Variants in PARD3 observed in about 807,000 individuals in gnomAD.
The protein encoded by PARD3 is par-3 family cell polarity regulator, also known as partitioning defective 3 homolog.
PARD3 carries 75 observed loss-of-function variants against 155.4 expected under a neutral mutation model. The observed-to-expected ratio is 0.48, with a 90% CI of 0.40 to 0.58. The LOEUF (loss-of-function observed/expected upper bound fraction) is 0.58, where lower values mean the gene tolerates loss of function less well. Among genes scored for constraint, PARD3 ranks in the 20% least tolerant of loss-of-function variants. PARD3 has a pLI of 0.00. For synonymous variants in PARD3, 576 were observed against 610.5 expected, an observed-to-expected ratio of 0.94 and a Z score of 0.83; for missense variants, 1,642 against 1,721.7, an observed-to-expected ratio of 0.95 and a Z score of 0.82.
At chr10:34,546,740 T>C (rs992052180) in intron 2 of PARD3, among the ~76,000 whole-genome samples, 1 of 152,134 alleles carries the variant, frequency 6.6e-6, no homozygotes, top group Non-Finnish European at 1.5e-5. Context: ...GGTACAAATG[T>C]ATAGTTTTAA....
At chr10:34,286,070 TTAAAAA>T (rs1307270378) in intron 20 of PARD3, among the ~76,000 whole-genome samples, 1 of 152,106 alleles carries the variant, frequency 6.6e-6, no homozygotes, top group Non-Finnish European at 1.5e-5. Flanking sequence ...ATACAAAACA[TTAAAAA>T]TAAAAGACTT....
intron 1 of PARD3, among the ~76,000 whole-genome samples, chr10:34,793,445 T>A (rs997973789): frequency 6.6e-6 from 1 of 152,186 alleles, no homozygotes; most frequent in African/African-American, 2.4e-5. Flanking sequence ...ACAGAACCCA[T>A]GGAGTTCTCT....
At chr10:34,250,528 CAG>C (rs954523270) in intron 22 of PARD3, among the ~76,000 whole-genome samples, 1 of 152,006 alleles carries the variant, frequency 6.6e-6, no homozygotes, top group Non-Finnish European at 1.5e-5. Flanking sequence ...CTTGGGTATA[CAG>C]AGACTTCATT....
intron 1 of PARD3, among the ~76,000 whole-genome samples, chr10:34,795,838 G>C (rs532164073): frequency 6.6e-6 from 1 of 152,214 alleles, no homozygotes; most frequent in Admixed American, 6.5e-5. Flanking sequence ...AGGTTGTAGT[G>C]AGCTGAGATC....
intron 2 of PARD3, among the ~76,000 whole-genome samples, chr10:34,612,584 A>T (rs1383378899): frequency 6.6e-6 from 1 of 152,242 alleles, no homozygotes; most frequent in Non-Finnish European, 1.5e-5. Flanking sequence ...AATTTCACCC[A>T]ACTTTGGCAA....
chr10:34,575,453 C>T (rs2086804022), intron 2 of PARD3, among the ~76,000 whole-genome samples: 1 of 152,154 alleles, frequency 6.6e-6, no homozygotes, highest in East Asian at 1.9e-4. Flanking sequence ...AATAATTTGG[C>T]TCCTATCTCC....
At chr10:34,121,541 C>T (rs1020267652) in intron 23 of PARD3, among the ~76,000 whole-genome samples, 5 of 152,172 alleles carry the variant, frequency 3.3e-5, no homozygotes, top group African/African-American at 4.8e-5. Flanking sequence ...ATTCATTTGG[C>T]GAGCTGTAAG....
At chr10:34,571,020 G>C (rs1246774788) in intron 2 of PARD3, among the ~76,000 whole-genome samples, 1 of 152,160 alleles carries the variant, frequency 6.6e-6, no homozygotes, top group Non-Finnish European at 1.5e-5. Context: ...CCTATCTACA[G>C]AAATGTTTCG....
intron 14 of PARD3, among the ~76,000 whole-genome samples, chr10:34,348,476 T>C (rs946173546): frequency 3.3e-5 from 5 of 152,238 alleles, no homozygotes; most frequent in Admixed American, 2.0e-4. Context: ...TACTAGATGT[T>C]ACTCTATAAA....
chr10:34,412,203 T>C (rs1272947217), intron 5 of PARD3, among the ~76,000 whole-genome samples: 1 of 152,050 alleles, frequency 6.6e-6, no homozygotes, highest in South Asian at 2.1e-4. Context: ...CCTCAAGCGA[T>C]CTTCCCACCT....
chr10:34,799,255 T>A (rs1156344990), intron 1 of PARD3, among the ~76,000 whole-genome samples: 1 of 152,156 alleles, frequency 6.6e-6, no homozygotes, highest in African/African-American at 2.4e-5. Context: ...TTGGCCAGGC[T>A]GGTCTCGAAC....
chr10:34,601,888 G>A (rs1261028815), intron 2 of PARD3, among the ~76,000 whole-genome samples: 1 of 152,114 alleles, frequency 6.6e-6, no homozygotes, highest in African/African-American at 2.4e-5. Context: ...TTAATCCCCA[G>A]AAGCGGGAAA....
intron 1 of PARD3, among the ~76,000 whole-genome samples, chr10:34,699,982 C>T (rs532579230): frequency 2.2e-4 from 33 of 152,242 alleles, no homozygotes; most frequent in Non-Finnish European, 3.8e-4. Flanking sequence ...CATGACAGAA[C>T]ATTCAACTAA....
chr10:34,329,835 T>TG (rs1365900966), intron 19 of PARD3, among the ~76,000 whole-genome samples: 1 of 152,210 alleles, frequency 6.6e-6, no homozygotes, highest in African/African-American at 2.4e-5. Context: ...TATTACATTA[T>TG]GACAGAAATA....
intron 24 of PARD3, among the ~76,000 whole-genome samples, chr10:34,116,494 C>CT (rs1946679959): frequency 6.6e-6 from 1 of 152,194 alleles, no homozygotes; most frequent in Non-Finnish European, 1.5e-5. Flanking sequence ...GCAGTCCCCC[C>CT]TGACCTCCTG....
At position 34,581,234 on chromosome 10, in the gene PARD3, C is replaced by CTTTTTTTTTTTTTTTTTTTT. The variant is rs779658592; in HGVS notation, c.223-64076_223-64075insAAAAAAAAAAAAAAAAAAAA. On this transcript the variant is annotated intron_variant, in intron 2 of 24. Transcript: ENST00000374788. ...TTTTGGTTATTTTTCTTTTTCTTTT[C>CTTTTTTTTTTTTTTTTTTTT]TTTTTTTTTTTTTTTTTTGAGACGG... Among the ~76,000 whole-genome samples, 28 of 101,270 alleles carry CTTTTTTTTTTTTTTTTTTTT rather than the reference C, an allele frequency of 2.8e-4. 3 individuals carry two copies. The highest frequency in any genetic ancestry group is 3.5e-4 in the Non-Finnish European group (19 of 53,900). 66.4% of individuals were successfully genotyped at this position (101,270 alleles called of 152,430 possible). A position where few individuals can be genotyped will look rare whatever the true frequency, so the allele number is the denominator to read the frequency against.
At chr10:34,585,825 A>T (rs1237990537) in intron 2 of PARD3, among the ~76,000 whole-genome samples, 1 of 152,140 alleles carries the variant, frequency 6.6e-6, no homozygotes, top group South Asian at 2.1e-4. Context: ...TATAAACATA[A>T]ACTATCTCTA....
intron 2 of PARD3, among the ~76,000 whole-genome samples, chr10:34,573,922 G>A (rs78462157): frequency 6.6e-6 from 1 of 152,106 alleles, no homozygotes; most frequent in African/African-American, 2.4e-5. Context: ...ACATTGTGAA[G>A]GCATTTGTTT....
At chr10:34,367,752 T>G (rs559917372) in intron 12 of PARD3, among the ~76,000 whole-genome samples, 18 of 152,276 alleles carry the variant, frequency 1.2e-4, no homozygotes, top group African/African-American at 4.1e-4. Context: ...ACTTGATCTA[T>G]TAAGTGTTAG....
Sources: gnomAD v4.1 joint callset for allele counts (sites outside exome capture counted in the v4.1 genomes callset) on GRCh38, gnomAD v4.1.1 for gene constraint, MANE v1.5 for transcripts, NCBI Gene and HGNC (gene_info 2026-07-23, HGNC 2026-07-21) for gene names.